ROBO1: variants seen among roughly 807,000 people sequenced by gnomAD.
The protein encoded by ROBO1 is roundabout homolog 1.
In ROBO1, 149 loss-of-function variants were observed where a neutral mutation model predicts 195.9. That is an observed-to-expected ratio of 0.76 (90% confidence interval 0.67 to 0.87). The LOEUF is 0.87. Among genes scored for constraint, ROBO1 ranks in the 40% least tolerant of loss-of-function variants. The pLI is 0.00. For synonymous variants in ROBO1, 816 were observed against 733.2 expected, an observed-to-expected ratio of 1.11 and a Z score of -1.82; for missense variants, 1,933 against 2,068.3, an observed-to-expected ratio of 0.93 and a Z score of 1.27.
chr3:78,736,425 G>C (rs186649175), intron 5 of ROBO1, among the ~76,000 whole-genome samples: 50 of 152,182 alleles, frequency 3.3e-4, no homozygotes, highest in African/African-American at 1.1e-3. Flanking sequence ...ACAGATAACA[G>C]GAAGAAGAAA....
intron 2 of ROBO1, among the ~76,000 whole-genome samples, chr3:79,144,553 A>T (rs938219466): frequency 6.6e-6 from 1 of 151,344 alleles, no homozygotes; most frequent in African/African-American, 2.4e-5. Flanking sequence ...GGAAATTTTG[A>T]TAGATGGAAT....
intron 2 of ROBO1, among the ~76,000 whole-genome samples, chr3:79,526,104 C>T (rs1941422072): frequency 6.6e-6 from 1 of 152,080 alleles, no homozygotes; most frequent in African/African-American, 2.4e-5. Flanking sequence ...GAAACTTAAA[C>T]AGGGTAGCTA....
At chr3:79,630,500 T>C (rs970369600) in intron 1 of ROBO1, among the ~76,000 whole-genome samples, 38 of 151,884 alleles carry the variant, frequency 2.5e-4, no homozygotes, top group African/African-American at 8.9e-4. Flanking sequence ...CTCAAAATAA[T>C]AAAAGCCATA....
chr3:78,800,489 G>A (rs148355511), intron 4 of ROBO1, among the ~76,000 whole-genome samples: 41 of 152,182 alleles, frequency 2.7e-4, no homozygotes, highest in African/African-American at 9.2e-4. Context: ...ACCCTCACCC[G>A]TAATACTAAA....
intron 4 of ROBO1, among the ~76,000 whole-genome samples, chr3:78,793,572 T>C (rs552351071): frequency 1.3e-5 from 2 of 152,288 alleles, no homozygotes; most frequent in South Asian, 2.1e-4. Flanking sequence ...TGTTAAAATA[T>C]GGCAGATCAA....
chr3:78,647,521 G>GTT, intron 20 of ROBO1, 108 bp downstream of exon 20: 1 of 1,073,252 alleles, frequency 9.3e-7, no homozygotes, highest in Non-Finnish European at 1.4e-6. Context: ...TCCACTTTAA[G>GTT]TTCTTTCCCC....
intron 2 of ROBO1, among the ~76,000 whole-genome samples, chr3:79,413,653 T>C (rs2037874838): frequency 6.6e-6 from 1 of 152,162 alleles, no homozygotes; most frequent in Admixed American, 6.6e-5. Context: ...TTCAAACTTC[T>C]TAACTAGGCA....
intron 2 of ROBO1, among the ~76,000 whole-genome samples, chr3:79,503,587 A>C (rs1940232130): frequency 6.6e-6 from 1 of 152,090 alleles, no homozygotes; most frequent in East Asian, 1.9e-4. Flanking sequence ...AAACAACAAA[A>C]CCACACAGCT....
At position 79,503,838 on chromosome 3, in the gene ROBO1, G is replaced by A. The variant is rs528558232; in HGVS notation, c.88+85986C>T. On this transcript the variant is annotated intron_variant, in intron 2 of 30. Transcript: ENST00000464233. Reference sequence around the variant, plus strand: ...AACTTTTCAGAAATTGCTGCAATCCGTTCAACAAAGACTCCTTTCAATTAG... The same window carrying A: ...AACTTTTCAGAAATTGCTGCAATCCATTCAACAAAGACTCCTTTCAATTAG... Among the ~76,000 whole-genome samples, 8 of 152,154 alleles carry A rather than the reference G, an allele frequency of 5.3e-5. No homozygotes were observed. The South Asian group carries it at 1.2e-3, about 24-fold the overall frequency.
chr3:79,516,786 A>G (rs1326971227), intron 2 of ROBO1, among the ~76,000 whole-genome samples: 1 of 152,238 alleles, frequency 6.6e-6, no homozygotes, highest in Non-Finnish European at 1.5e-5. Flanking sequence ...AATCTTGAAT[A>G]TATATTAATT....
At chr3:78,669,822 A>G (rs1164945998) in intron 11 of ROBO1, among the ~76,000 whole-genome samples, 1 of 152,196 alleles carries the variant, frequency 6.6e-6, no homozygotes, top group Non-Finnish European at 1.5e-5. Context: ...ATTCTCTCAC[A>G]AACCCTCATT....
At chr3:79,192,453 T>C (rs1486516611) in intron 2 of ROBO1, among the ~76,000 whole-genome samples, 1 of 151,572 alleles carries the variant, frequency 6.6e-6, no homozygotes, top group African/African-American at 2.4e-5. Context: ...AAATTAGGGG[T>C]AATTTAGATT....
chr3:79,134,577 A>T, intron 2 of ROBO1, among the ~76,000 whole-genome samples: 1 of 56,580 alleles, frequency 1.8e-5, no homozygotes, highest in African/African-American at 6.4e-5. Flanking sequence ...TGCTATAAAG[A>T]CACATGCACA....
At chr3:79,430,913 G>C (rs966835203) in intron 2 of ROBO1, among the ~76,000 whole-genome samples, 3 of 152,056 alleles carry the variant, frequency 2.0e-5, no homozygotes, top group African/African-American at 7.2e-5. Flanking sequence ...TGTTAGACTG[G>C]ACCAAATTTT....
intron 3 of ROBO1, among the ~76,000 whole-genome samples, chr3:79,096,068 A>G (rs963050158): frequency 6.6e-6 from 1 of 152,056 alleles, no homozygotes; most frequent in African/African-American, 2.4e-5. Context: ...TGGATAATGC[A>G]TCTGTAGTAT....
chr3:78,871,982 C>T (rs140463555), intron 4 of ROBO1, among the ~76,000 whole-genome samples: 1 of 152,214 alleles, frequency 6.6e-6, no homozygotes, highest in African/African-American at 2.4e-5. Flanking sequence ...CATGACCCAT[C>T]TATTTTAAAC....
chr3:79,528,080 A>T (rs374090751), intron 2 of ROBO1, among the ~76,000 whole-genome samples: 124 of 84,306 alleles, frequency 1.5e-3, no homozygotes, highest in African/African-American at 7.2e-3. Context: ...ATTAAATTAT[A>T]TGGCTCTTTT....
At chr3:79,740,786 C>T (rs1221724383) in intron 1 of ROBO1, among the ~76,000 whole-genome samples, 4 of 152,142 alleles carry the variant, frequency 2.6e-5, no homozygotes, top group Admixed American at 1.3e-4. Context: ...ATGGAAAACA[C>T]TTGTTTTGTT....
intron 3 of ROBO1, among the ~76,000 whole-genome samples, chr3:79,115,201 A>G (rs761230669): frequency 6.6e-6 from 1 of 152,100 alleles, no homozygotes; most frequent in East Asian, 1.9e-4. Flanking sequence ...CATCAAGTGG[A>G]GTTAGCATCG....
Sources: gnomAD v4.1 joint callset for allele counts (sites outside exome capture counted in the v4.1 genomes callset) on GRCh38, gnomAD v4.1.1 for gene constraint, MANE v1.5 for transcripts, NCBI Gene and HGNC (gene_info 2026-07-23, HGNC 2026-07-21) for gene names.